MAP2: variants seen among roughly 807,000 people sequenced by gnomAD.
MAP2 encodes the protein microtubule-associated protein 2.
MAP2 carries 14 observed loss-of-function variants against 137.6 expected under a neutral mutation model. The ratio of observed to expected loss-of-function variants is 0.10; its 90% CI spans 0.07 to 0.16. MAP2 has a LOEUF of 0.16. Ranked by LOEUF, MAP2 falls within the 10% of genes least tolerant of loss-of-function variation. The pLI is 1.00. For synonymous variants in MAP2, 786 were observed against 782.3 expected, an observed-to-expected ratio of 1.00 and a Z score of -0.08; for missense variants, 2,088 against 2,191.5, an observed-to-expected ratio of 0.95 and a Z score of 0.94.
At chr2:209,676,667 T>A (rs1385972728) in intron 5 of MAP2, among the ~76,000 whole-genome samples, 1 of 142,356 alleles carries the variant, frequency 7.0e-6, no homozygotes, top group Non-Finnish European at 1.5e-5. Flanking sequence ...GACACTACAG[T>A]TTGCATACGT....
At chr2:209,616,789 A>G (rs1171071248) in intron 3 of MAP2, among the ~76,000 whole-genome samples, 1 of 152,216 alleles carries the variant, frequency 6.6e-6, no homozygotes, top group Non-Finnish European at 1.5e-5. Context: ...GTGTCTGAAA[A>G]TAGACAGTGG....
chr2:209,516,157 A>G (rs1270486990), intron 2 of MAP2, among the ~76,000 whole-genome samples: 2 of 152,116 alleles, frequency 1.3e-5, no homozygotes, highest in African/African-American at 4.8e-5. Flanking sequence ...AGAAATACAG[A>G]AAAGTCTCTT....
intron 1 of MAP2, among the ~76,000 whole-genome samples, chr2:209,506,178 C>G (rs17237823): frequency 0.069 from 10,423 of 152,088 alleles, 442 homozygotes; most frequent in Middle Eastern, 0.11. Flanking sequence ...ATAATTTCCT[C>G]AGATACTTAA....
At chr2:209,477,609 C>G (rs1707613434) in intron 1 of MAP2, among the ~76,000 whole-genome samples, 1 of 152,112 alleles carries the variant, frequency 6.6e-6, no homozygotes, top group Admixed American at 6.5e-5. Context: ...TCTACCTATG[C>G]TTTCTTCTCT....
rs770764433 is a variant in MAP2, at chr2:209,673,522, C to T, written c.263-5050C>T. On this transcript the variant is annotated intron_variant, in intron 5 of 15. Transcript: ENST00000682079. The stretch of plus-strand genomic sequence containing the variant: ...AGAATAGAAAAACATATTGTATACA[C>T]TTATTAACTAAGATAATTTCTAACA... 4.6e-5 allele frequency among the ~76,000 whole-genome samples: 7 copies of T among 151,764 alleles called. No individual in the cohort carries two copies. In the East Asian group the frequency reaches 5.8e-4, roughly 13 times the overall value.
intron 4 of MAP2, among the ~76,000 whole-genome samples, chr2:209,652,076 A>AG (rs1235440184): frequency 3.3e-5 from 5 of 152,184 alleles, no homozygotes; most frequent in Non-Finnish European, 4.4e-5. Context: ...GGAGACGATA[A>AG]GCCATCAATA....
rs111899399 is a variant in MAP2, at chr2:209,583,923, C to T, written c.-107+3823C>T. ...ATAGTTCATTTTCAACTCCTCCTTC[C>T]TTCCCTCTGCGCTTTAGTAGTCCCC... On this transcript the variant is annotated intron_variant, in intron 3 of 15. Coordinates refer to ENST00000682079, the MANE Select transcript of MAP2 (RefSeq NM_001375505.1). Among the ~76,000 whole-genome samples the T allele has an allele frequency of 7.8e-3, 1,183 of 151,862 alleles. 16 individuals are homozygous for T. Among genetic ancestry groups the T allele is most frequent in the African/African-American group, 0.027 (1,108 of 41,422 alleles).
At chr2:209,682,875 A>T (rs570671600) in intron 7 of MAP2, among the ~76,000 whole-genome samples, 2 of 152,236 alleles carry the variant, frequency 1.3e-5, no homozygotes, top group South Asian at 2.1e-4. Context: ...GGGAAGCCTG[A>T]CATGACCCTT....
chr2:209,611,938 A>G (rs889843158), intron 3 of MAP2, among the ~76,000 whole-genome samples: 1 of 152,144 alleles, frequency 6.6e-6, no homozygotes, highest in African/African-American at 2.4e-5. Flanking sequence ...CCTAAAACCT[A>G]TTAGCGTGTA....
At chr2:209,593,954 TAC>T (rs1308554252) in intron 3 of MAP2, among the ~76,000 whole-genome samples, 5 of 127,488 alleles carry the variant, frequency 3.9e-5, no homozygotes, top group Admixed American at 1.8e-4. Flanking sequence ...TATATATATA[TAC>T]ACACACATAT....
chr2:209,694,846 G>A lies in MAP2; in HGVS notation c.2676G>A (p.Glu892=), dbSNP rs1350178602. 1 of 1,614,086 alleles carries A rather than the reference G, an allele frequency of 6.2e-7. No individual in the cohort carries two copies. ...AAGACAGTGAGAATTTATCAGGGGA[G>A]AGTGGTACCTTTTACGAAGGCACTG... ...PVQDSENLSG[E]SGTFYEGTDD... The change falls in exon 8 of 16, where the codon GAG becomes GAA. Residue 892 remains glutamate (E), a synonymous_variant. Transcript: ENST00000682079.
At chr2:209,446,088 C>T (rs984191972) in intron 1 of MAP2, among the ~76,000 whole-genome samples, 1 of 151,600 alleles carries the variant, frequency 6.6e-6, no homozygotes, top group African/African-American at 2.4e-5. Flanking sequence ...GTAATATGGT[C>T]ATAAGCTTGA....
chr2:209,463,208 C>G lies in MAP2; in HGVS notation c.-222+38932C>G, dbSNP rs140513121. Among the ~76,000 whole-genome samples, 23 of 152,296 alleles carry G rather than the reference C, an allele frequency of 1.5e-4. No individual in the cohort carries two copies. In the East Asian group the frequency reaches 4.4e-3, roughly 29 times the overall value. On this transcript the variant is annotated intron_variant, in intron 1 of 15. Coordinates refer to ENST00000682079, the MANE Select transcript of MAP2 (RefSeq NM_001375505.1). The stretch of plus-strand genomic sequence containing the variant: ...TACTGAGTCTTATAGTGTCATTCTA[C>G]AATTATAAGCTGGCTCTAATCACCT...
At chr2:209,461,580 T>A (rs1166261158) in intron 1 of MAP2, among the ~76,000 whole-genome samples, 2 of 152,060 alleles carry the variant, frequency 1.3e-5, no homozygotes, top group Non-Finnish European at 2.9e-5. Flanking sequence ...CTCAGCCTCC[T>A]GAGTAGCTGG....
At chr2:209,652,779 A>G (rs555147811) in intron 4 of MAP2, among the ~76,000 whole-genome samples, 1 of 152,312 alleles carries the variant, frequency 6.6e-6, no homozygotes, top group South Asian at 2.1e-4. Context: ...CATACAGTCA[A>G]CATTCAAGAC....
At chr2:209,617,085 A>G (rs150303593) in intron 3 of MAP2, among the ~76,000 whole-genome samples, 2,280 of 152,234 alleles carry the variant, frequency 0.015, 27 homozygotes, top group Non-Finnish European at 0.025. Flanking sequence ...GTGGGGAGTC[A>G]TAATGATATT....
intron 1 of MAP2, among the ~76,000 whole-genome samples, chr2:209,433,217 A>G (rs754071607): frequency 3.3e-5 from 5 of 152,158 alleles, no homozygotes; most frequent in Non-Finnish European, 7.4e-5. Flanking sequence ...TTCAGACACA[A>G]ATAAATGCTG....
At position 209,480,655 on chromosome 2, in the gene MAP2, G is replaced by A. The variant is rs549009426; in HGVS notation, c.-221-26937G>A. 1.8e-4 allele frequency among the ~76,000 whole-genome samples: 28 copies of A among 152,120 alleles called. 1 individual carries two copies. The South Asian group carries it at 5.8e-3, about 32-fold the overall frequency. On this transcript the variant is annotated intron_variant, in intron 1 of 15. Coordinates refer to ENST00000682079, the MANE Select transcript of MAP2 (RefSeq NM_001375505.1). ...GTATCAGTCATTTTGTGTTGTTTGA[G>A]GTTAATAATAAGATTTGATATCAGT... is the stretch of plus-strand genomic sequence containing the variant.
chr2:209,553,561 G>A (rs1303771380), intron 2 of MAP2, among the ~76,000 whole-genome samples: 1 of 152,142 alleles, frequency 6.6e-6, no homozygotes, highest in African/African-American at 2.4e-5. Flanking sequence ...TATTGTTGCT[G>A]TTATTAATAG....
Sources: allele counts gnomAD v4.1 joint callset (sites outside exome capture counted in the v4.1 genomes callset), GRCh38; gene constraint gnomAD v4.1.1; transcripts MANE v1.5; gene names NCBI Gene and HGNC (gene_info 2026-07-23, HGNC 2026-07-21).